SYNE2: variants seen among roughly 807,000 people sequenced by gnomAD.
SYNE2 encodes the protein nesprin-2.
Under a neutral mutation model 856.3 loss-of-function variants are expected in SYNE2, and 431 were observed. The ratio of observed to expected loss-of-function variants is 0.50; its 90% CI spans 0.47 to 0.55. The LOEUF (loss-of-function observed/expected upper bound fraction) is 0.55, where lower values mean the gene tolerates loss of function less well. Among genes scored for constraint, SYNE2 ranks in the 20% least tolerant of loss-of-function variants. The probability of loss-of-function intolerance (pLI) is 0.00; values close to 1 mark genes in which losing one functional copy is unlikely to be tolerated. For synonymous variants in SYNE2, 2,923 were observed against 2,872.3 expected (o/e 1.02, Z -0.56); for missense variants, 8,129 against 8,023.2 (o/e 1.01, Z -0.50).
intron 1 of SYNE2, among the ~76,000 whole-genome samples, chr14:63,802,047 T>A (rs1234372272): frequency 6.7e-6 from 1 of 149,294 alleles, no homozygotes; most frequent in Non-Finnish European, 1.5e-5. Flanking sequence ...AAAACTTTTT[T>A]TATAAGTATA....
At chr14:63,943,999 C>T (rs1467368871) in intron 6 of SYNE2, among the ~76,000 whole-genome samples, 1 of 151,550 alleles carries the variant, frequency 6.6e-6, no homozygotes, top group Non-Finnish European at 1.5e-5. Context: ...AAATCTAAAC[C>T]AAATATGGTA....
intron 78 of SYNE2, among the ~76,000 whole-genome samples, chr14:64,136,458 AGGGCTATG>A (rs2098090312): frequency 6.6e-6 from 1 of 151,972 alleles, no homozygotes; most frequent in Non-Finnish European, 1.5e-5. Context: ...AGTGGTGGAA[AGGGCTATG>A]GACGTGGAAT....
intron 99 of SYNE2, among the ~76,000 whole-genome samples, chr14:64,191,690 G>A (rs1328257202): frequency 6.6e-6 from 1 of 152,156 alleles, no homozygotes; most frequent in African/African-American, 2.4e-5. Context: ...AGCAGTGGAG[G>A]GTTTGCTGAA....
At chr14:64,002,486 T>C (rs1363921143) in intron 29 of SYNE2, among the ~76,000 whole-genome samples, 5 of 152,382 alleles carry the variant, frequency 3.3e-5, no homozygotes, top group Middle Eastern at 6.8e-3. Flanking sequence ...CATCTAATTA[T>C]GTACTTTGAA....
chr14:63,912,631 C>T lies in SYNE2; in HGVS notation c.79+3404C>T, dbSNP rs148205425. Among the ~76,000 whole-genome samples the T allele has an allele frequency of 1.5e-3, 227 of 152,238 alleles. 1 individual carries two copies. Among genetic ancestry groups the T allele is most frequent in the African/African-American group, 5.0e-3 (208 of 41,546 alleles). ...AGAATGGCCTAATTAACTTATAAAGCCTGCTTTATTTTAGCAAAAACTTAA... is the reference window on the plus strand; with the variant it reads ...AGAATGGCCTAATTAACTTATAAAGTCTGCTTTATTTTAGCAAAAACTTAA... On this transcript the variant is annotated intron_variant, in intron 2 of 115. Transcript: ENST00000555002.
At chr14:63,920,446 G>C (rs2095586391) in intron 2 of SYNE2, among the ~76,000 whole-genome samples, 1 of 151,672 alleles carries the variant, frequency 6.6e-6, no homozygotes, top group South Asian at 2.1e-4. Context: ...TGTTCAGTGA[G>C]ACTGAGGATT....
At chr14:64,040,766 G>T (rs2153561860) in intron 45 of SYNE2, among the ~76,000 whole-genome samples, 1 of 151,064 alleles carries the variant, frequency 6.6e-6, no homozygotes, top group East Asian at 1.9e-4. Flanking sequence ...ACACATTTCT[G>T]ATAAGAGCTT....
chr14:64,185,982 C>G (rs565252207), intron 96 of SYNE2, among the ~76,000 whole-genome samples: 8 of 152,208 alleles, frequency 5.3e-5, no homozygotes, highest in African/African-American at 1.4e-4. Flanking sequence ...GTTGCTGTTA[C>G]GTGATTGCCA....
chr14:64,049,680 A>G lies in SYNE2; in HGVS notation c.7447A>G (p.Lys2483Glu), dbSNP rs1462693468. 19 of 1,614,198 alleles carry G rather than the reference A, an allele frequency of 1.2e-5. No homozygotes were observed. The highest frequency in any genetic ancestry group is 1.6e-5 in the Non-Finnish European group (19 of 1,180,034). The change falls in exon 47 of 116, where the codon AAA (lysine) becomes GAA (glutamate). Residue 2483 changes from lysine (K) to glutamate (E), a missense_variant. Around this residue, in one of 3 missense-constraint regions of SYNE2, gnomAD observed 5,410 missense variants for 5,284.8 expected, o/e 1.02. Transcript: ENST00000555002. ...KPLEQTECLN[K>E]TETGALVLHN... is the part of the protein sequence containing the mutation. ...ACTGGAACAAACAGAATGTCTTAAC[A>G]AAACAGAAACTGGGGCCTTGGTTCT...
In SYNE2 at chr14:64,170,467, T is replaced by C. The variant is rs777252251; in HGVS notation, c.17235+5T>C. ...AGTCTGATCCATGAGCTGAAGGTAG[T>C]GTATGCATCGTAGCAGTGTGAGAAC... is the stretch of plus-strand genomic sequence containing the variant. On this transcript the variant is annotated splice_donor_5th_base_variant and intron_variant, in intron 94 of 115. Transcript: ENST00000555002. The C allele has an allele frequency of 2.0e-5, 32 of 1,605,372 alleles. No individual in the cohort carries two copies. Among genetic ancestry groups the C allele is most frequent in the Non-Finnish European group, 8.5e-6 (10 of 1,175,508 alleles).
rs1406402174 is a variant in SYNE2 at position 64,139,971 on chromosome 14, G to A, written c.14874G>A (p.Lys4958=). 1.2e-6 allele frequency: 2 copies of A among 1,613,956 alleles called. No homozygotes were observed. Among genetic ancestry groups the A allele is most frequent in the East Asian group, 2.2e-5 (1 of 44,872 alleles). ...ACAGAGATTCGGATCAGTTAACCAA[G>A]TGGTTGGAATCTTCCCAGCATACTC... is the stretch of plus-strand genomic sequence containing the variant. ...SYNRDSDQLT[K]WLESSQHTLN... The change falls in exon 80 of 116, where the codon AAG becomes AAA. Residue 4958 remains lysine (K), a synonymous_variant. Coordinates refer to ENST00000555002, the MANE Select transcript of SYNE2 (RefSeq NM_182914.3).
At chr14:63,970,655 T>TC (rs1284243440) in intron 11 of SYNE2, among the ~76,000 whole-genome samples, 9 of 140,458 alleles carry the variant, frequency 6.4e-5, no homozygotes, top group South Asian at 2.4e-4. Context: ...TTTTTTCTTT[T>TC]TTTTTTTTTT....
At chr14:64,193,949 G>T (rs1261248901) in intron 99 of SYNE2, among the ~76,000 whole-genome samples, 2 of 152,156 alleles carry the variant, frequency 1.3e-5, no homozygotes, top group Non-Finnish European at 2.9e-5. Flanking sequence ...TGGGAATTCT[G>T]CCCGGGACAG....
intron 61 of SYNE2, among the ~76,000 whole-genome samples, chr14:64,094,492 A>T (rs1218125839): frequency 6.6e-6 from 1 of 152,236 alleles, no homozygotes; most frequent in Non-Finnish European, 1.5e-5. Context: ...ACGTGATTGT[A>T]TGCTAAGGGT....
At position 64,098,634 on chromosome 14, in the gene SYNE2, C is replaced by T. The variant is rs1003420992; in HGVS notation, c.12307-113C>T. On this transcript the variant is annotated intron_variant, in intron 62 of 115. Transcript: ENST00000555002. ...GAGACAGGCTTCTTGTGGGGGTGGG[C>T]ATCTTGGATAAAGTAAGTAAAAAAT... The T allele has an allele frequency of 7.7e-6, 8 of 1,035,094 alleles. No individual in the cohort carries two copies. The Admixed American group carries it at 7.9e-5, about 10-fold the overall frequency. The allele number at this position is 1,035,094 out of a possible 1,614,324, so 64.1% of individuals were successfully genotyped here. A position where few individuals can be genotyped will look rare whatever the true frequency, so the allele number is the denominator to read the frequency against.
At chr14:64,138,312 A>G (rs1244993217) in intron 79 of SYNE2, among the ~76,000 whole-genome samples, 1 of 152,004 alleles carries the variant, frequency 6.6e-6, no homozygotes, top group African/African-American at 2.4e-5. Context: ...GCTCACTGCA[A>G]CCTTGAACTC....
chr14:63,808,315 C>A (rs1174259609), intron 1 of SYNE2, among the ~76,000 whole-genome samples: 2 of 151,644 alleles, frequency 1.3e-5, no homozygotes, highest in Non-Finnish European at 2.9e-5. Context: ...ATGGTGAAAC[C>A]CTGTCTCTAC....
Position 64,052,620 on chromosome 14 carries a change from G to A in SYNE2, c.8707G>A (p.Glu2903Lys). The A allele has an allele frequency of 6.2e-7, 1 of 1,614,082 alleles. No homozygotes were observed. The highest frequency in any genetic ancestry group is 1.1e-5 in the South Asian group (1 of 91,056). ...THLQELTNIY[E>K]ELNVFERLFL... Reference sequence around the variant, plus strand: ...TCTTCAGGAGCTAACAAACATCTATGAGGAGCTGAATGTGTTTGAAAGATT... The same window carrying A: ...TCTTCAGGAGCTAACAAACATCTATAAGGAGCTGAATGTGTTTGAAAGATT... The change falls in exon 48 of 116, where the codon GAG (glutamate) becomes AAG (lysine). Residue 2903 changes from glutamate (E) to lysine (K), a missense_variant. Glu to Lys is a moderately conservative substitution (Grantham distance 56). Transcript: ENST00000555002.
chr14:63,862,962 T>C (rs1332792696), intron 1 of SYNE2, among the ~76,000 whole-genome samples: 1 of 152,094 alleles, frequency 6.6e-6, no homozygotes, highest in Admixed American at 6.6e-5. Context: ...CACACCTGGC[T>C]AATTTTTGTA....
Sources: gnomAD v4.1 joint callset for allele counts (sites outside exome capture counted in the v4.1 genomes callset) on GRCh38, gnomAD v4.1.1 for gene constraint, gnomAD v4.1.1 regional missense constraint, MANE v1.5 for transcripts, NCBI Gene and HGNC (gene_info 2026-07-23, HGNC 2026-07-21) for gene names.